The following HTR4 variants were observed in gnomAD, a reference collection of about 807,000 sequenced individuals.
The protein encoded by HTR4 is 5-hydroxytryptamine (serotonin) receptor 4, G protein-coupled.
Under a neutral mutation model 36.8 loss-of-function variants are expected in HTR4, and 16 were observed. The observed-to-expected ratio is 0.43, with a 90% CI of 0.29 to 0.66. The LOEUF (loss-of-function observed/expected upper bound fraction) is 0.66. Ranked by LOEUF, HTR4 falls within the 30% of genes least tolerant of loss-of-function variation. HTR4 has a pLI of 0.13. For missense variants in HTR4, 438 were observed against 490.9 expected, an observed-to-expected ratio of 0.89 and a Z score of 1.02; for synonymous variants, 189 against 185.1, an observed-to-expected ratio of 1.02 and a Z score of -0.17.
At position 148,482,981 on chromosome 5, in the gene HTR4, G is replaced by C. The variant is rs1212342463; in HGVS notation, c.*222C>G. The C allele has an allele frequency of 7.1e-7, 1 of 1,411,400 alleles. No homozygotes were observed. The highest frequency in any genetic ancestry group is 9.2e-7 in the Non-Finnish European group (1 of 1,081,166). The allele number at this position is 1,411,400 out of a possible 1,614,324, so 87.4% of individuals were successfully genotyped here. A position where few individuals can be genotyped will look rare whatever the true frequency, so the allele number is the denominator to read the frequency against. On this transcript the variant is annotated 3_prime_UTR_variant, in exon 7 of 7. Transcript: ENST00000377888. ...GAGAATCTGGGAAGAGGGAGTGTTG[G>C]GAAATAAAAAGTGAACAAGGAGGCC...
intron 4 of HTR4, among the ~76,000 whole-genome samples, chr5:148,533,102 A>G (rs1410430223): frequency 6.6e-6 from 1 of 152,256 alleles, no homozygotes; most frequent in Non-Finnish European, 1.5e-5. Context: ...TTGTTGATTC[A>G]TATGCTAGGT....
chr5:148,591,540 T>C (rs763572741), intron 2 of HTR4, among the ~76,000 whole-genome samples: 1 of 152,188 alleles, frequency 6.6e-6, no homozygotes, highest in Non-Finnish European at 1.5e-5. Context: ...ATTGCAGAGA[T>C]CTTTCACCTC....
chr5:148,575,059 T>C (rs919854369), intron 2 of HTR4, among the ~76,000 whole-genome samples: 2 of 152,058 alleles, frequency 1.3e-5, no homozygotes, highest in African/African-American at 4.8e-5. Context: ...TATTCCTCAC[T>C]GGTCCAGTTG....
chr5:148,627,300 T>C (rs1053563913), intron 2 of HTR4, among the ~76,000 whole-genome samples: 1 of 152,224 alleles, frequency 6.6e-6, no homozygotes, highest in Non-Finnish European at 1.5e-5. Context: ...TGCCTCTGTA[T>C]TTTCTATTAC....
At chr5:148,609,629 G>A (rs928557071) in intron 2 of HTR4, among the ~76,000 whole-genome samples, 5 of 150,322 alleles carry the variant, frequency 3.3e-5, no homozygotes, top group Non-Finnish European at 5.9e-5. Context: ...GCAGTGGCGC[G>A]ATCTAGGCTC....
chr5:148,636,540 A>G (rs1196266349), intron 2 of HTR4, among the ~76,000 whole-genome samples: 1 of 152,232 alleles, frequency 6.6e-6, no homozygotes, highest in Non-Finnish European at 1.5e-5. Flanking sequence ...ATTTAGCTTT[A>G]TGTAACTATA....
chr5:148,634,096 C>CATTTTATTTAATAGAAAATGTCT (rs2127303403), intron 2 of HTR4, among the ~76,000 whole-genome samples: 1 of 152,270 alleles, frequency 6.6e-6, no homozygotes, highest in African/African-American at 2.4e-5. Context: ...AACTGTAAGA[C>CATTTTATTTAATAGAAAATGTCT]ATTTTATTTA....
intron 4 of HTR4, among the ~76,000 whole-genome samples, chr5:148,537,423 A>G (rs1016042003): frequency 3.3e-5 from 5 of 152,092 alleles, no homozygotes; most frequent in African/African-American, 1.2e-4. Context: ...ACACAAAAAA[A>G]CATTCAAAAG....
chr5:148,586,646 G>A (rs1054673534), intron 2 of HTR4, among the ~76,000 whole-genome samples: 21 of 152,118 alleles, frequency 1.4e-4, no homozygotes, highest in Non-Finnish European at 7.4e-5. Context: ...GTTACAATTA[G>A]AGATGAGATT....
intron 4 of HTR4, among the ~76,000 whole-genome samples, chr5:148,544,652 T>C (rs1033021163): frequency 3.3e-5 from 5 of 152,224 alleles, no homozygotes; most frequent in Non-Finnish European, 5.9e-5. Flanking sequence ...TGACCCATAC[T>C]ATATGGTGCA....
chr5:148,584,876 G>C (rs1208442607), intron 2 of HTR4, among the ~76,000 whole-genome samples: 1 of 152,138 alleles, frequency 6.6e-6, no homozygotes, highest in East Asian at 1.9e-4. Context: ...TAGCCACCTG[G>C]AAGCCATACA....
At chr5:148,651,955 T>A (rs1754052690) in intron 1 of HTR4, among the ~76,000 whole-genome samples, 1 of 151,980 alleles carries the variant, frequency 6.6e-6, no homozygotes, top group Admixed American at 6.6e-5. Flanking sequence ...CTAGCTGAAA[T>A]CATTCATCAC....
At chr5:148,540,913 G>C (rs1759089429) in intron 4 of HTR4, among the ~76,000 whole-genome samples, 1 of 152,136 alleles carries the variant, frequency 6.6e-6, no homozygotes, top group Non-Finnish European at 1.5e-5. Flanking sequence ...TGTCTGGGAA[G>C]GCCCTCGCTA....
intron 2 of HTR4, among the ~76,000 whole-genome samples, chr5:148,610,216 A>T (rs1435329649): frequency 6.6e-6 from 1 of 152,178 alleles, no homozygotes; most frequent in Non-Finnish European, 1.5e-5. Flanking sequence ...GCCAAATAGG[A>T]ACAGCTCCGG....
intron 5 of HTR4, among the ~76,000 whole-genome samples, chr5:148,455,139 G>A (rs1041569447): frequency 6.6e-6 from 1 of 152,170 alleles, no homozygotes; most frequent in Admixed American, 6.5e-5. Context: ...TACTCACTAA[G>A]TGGCAGGTGC....
Position 148,515,071 on chromosome 5 carries a change from CTATT to C in HTR4, c.508-5051_508-5048del, listed in dbSNP as rs142413305. Among the ~76,000 whole-genome samples the C allele has an allele frequency of 5.3e-3, 808 of 152,132 alleles. 10 individuals are homozygous for C. The highest frequency in any genetic ancestry group is 0.018 in the African/African-American group (764 of 41,534). Reference sequence around the variant, plus strand: ...CATTTGTCTATAATCTTACTGTTATCTATTAATCTTTTCTGTTTCTTGGTTCCTT... The same window carrying C: ...CATTTGTCTATAATCTTACTGTTATCAATCTTTTCTGTTTCTTGGTTCCTT... On this transcript the variant is annotated intron_variant, in intron 5 of 6. Transcript: ENST00000377888.
intron 1 of HTR4, among the ~76,000 whole-genome samples, chr5:148,641,495 C>T (rs1184871576): frequency 6.6e-6 from 1 of 152,194 alleles, no homozygotes; most frequent in Non-Finnish European, 1.5e-5. Context: ...AACTCTTCTA[C>T]CAATGTGAGG....
intron 6 of HTR4, among the ~76,000 whole-genome samples, chr5:148,507,478 G>C (rs137941491): frequency 0.016 from 2,391 of 151,226 alleles, 33 homozygotes; most frequent in Middle Eastern, 0.048. Context: ...ACATATGTAA[G>C]AAACCTGCAC....
intron 2 of HTR4, among the ~76,000 whole-genome samples, chr5:148,579,055 C>A (rs1761035809): frequency 6.6e-6 from 1 of 152,062 alleles, no homozygotes; most frequent in Admixed American, 6.6e-5. Flanking sequence ...TGTCCAAATT[C>A]CAGGCATTGT....
Sources: allele counts gnomAD v4.1 joint callset (sites outside exome capture counted in the v4.1 genomes callset), GRCh38; gene constraint gnomAD v4.1.1; transcripts MANE v1.5; gene names NCBI Gene and HGNC (gene_info 2026-07-23, HGNC 2026-07-21).